Variants in GPC5 observed in about 807,000 individuals in gnomAD.
The protein encoded by GPC5 is glypican 5.
In GPC5, 47 loss-of-function variants were observed where a neutral mutation model predicts 53.9. The observed-to-expected ratio is 0.87, with a 90% CI of 0.69 to 1.11. The LOEUF (loss-of-function observed/expected upper bound fraction) is 1.11, where lower values mean the gene tolerates loss of function less well. Among genes scored for constraint, GPC5 ranks in the 50% most tolerant of loss-of-function variants. GPC5 has a pLI of 0.00. For synonymous variants in GPC5, 286 were observed against 263.3 expected (o/e 1.09, Z -0.84); for missense variants, 748 against 713.1 (o/e 1.05, Z -0.56).
chr13:92,163,187 C>T (rs1259915545), intron 7 of GPC5, among the ~76,000 whole-genome samples: 1 of 152,042 alleles, frequency 6.6e-6, no homozygotes, highest in Admixed American at 6.6e-5. Context: ...TGGGGCTGGG[C>T]ATGGTGATTC....
chr13:92,492,349 T>TG (rs1452414724), intron 7 of GPC5, among the ~76,000 whole-genome samples: 1 of 150,240 alleles, frequency 6.7e-6, no homozygotes, highest in Non-Finnish European at 1.5e-5. Flanking sequence ...TGTTGTGGGG[T>TG]GGGAGAGGGG....
chr13:92,423,747 G>A (rs942649767), intron 7 of GPC5, among the ~76,000 whole-genome samples: 1 of 152,126 alleles, frequency 6.6e-6, no homozygotes, highest in Non-Finnish European at 1.5e-5. Context: ...AGCCTAAGGA[G>A]CATCATTAGT....
At chr13:92,129,187 G>T (rs1189814955) in intron 6 of GPC5, among the ~76,000 whole-genome samples, 1 of 152,156 alleles carries the variant, frequency 6.6e-6, no homozygotes, top group East Asian at 1.9e-4. Flanking sequence ...TTAAATCTGA[G>T]ACTAATTTTG....
chr13:92,397,063 G>C (rs1291637203), intron 7 of GPC5, among the ~76,000 whole-genome samples: 1 of 152,206 alleles, frequency 6.6e-6, no homozygotes, highest in Non-Finnish European at 1.5e-5. Context: ...TGTACCTGGA[G>C]ATAAAACCAT....
At chr13:92,485,540 C>A (rs1879520582) in intron 7 of GPC5, among the ~76,000 whole-genome samples, 1 of 152,170 alleles carries the variant, frequency 6.6e-6, no homozygotes, top group African/African-American at 2.4e-5. Flanking sequence ...CAATCACAGT[C>A]CATATGGCAA....
At chr13:92,350,896 A>G (rs2139267060) in intron 7 of GPC5, among the ~76,000 whole-genome samples, 1 of 152,264 alleles carries the variant, frequency 6.6e-6, no homozygotes, top group East Asian at 1.9e-4. Context: ...AAAAATATAG[A>G]TATCAAATTT....
intron 6 of GPC5, among the ~76,000 whole-genome samples, chr13:91,909,159 G>C (rs1300824867): frequency 2.0e-5 from 3 of 152,174 alleles, no homozygotes; most frequent in Non-Finnish European, 4.4e-5. Context: ...CGCCCTGGCT[G>C]GCAAAACCCA....
intron 1 of GPC5, among the ~76,000 whole-genome samples, chr13:91,442,492 A>G (rs932617962): frequency 2.0e-5 from 3 of 152,204 alleles, no homozygotes; most frequent in African/African-American, 7.2e-5. Context: ...ACAGATCTCT[A>G]GAACTTTATT....
chr13:91,422,255 A>C (rs1878690526), intron 1 of GPC5, among the ~76,000 whole-genome samples: 1 of 152,248 alleles, frequency 6.6e-6, no homozygotes, highest in African/African-American at 2.4e-5. Context: ...TGTAAAAAGC[A>C]AACTCAGTAT....
intron 5 of GPC5, among the ~76,000 whole-genome samples, chr13:91,770,465 C>G (rs1182092346): frequency 1.3e-5 from 2 of 152,010 alleles, no homozygotes; most frequent in Non-Finnish European, 2.9e-5. Context: ...GGTGACCAGC[C>G]CCCATCCAAG....
In GPC5 at chr13:92,068,437, G is replaced by A. The variant is rs182665793; in HGVS notation, c.1402-76393G>A. On this transcript the variant is annotated intron_variant, in intron 6 of 7. Transcript: ENST00000377067. ...TAATATTTTAGTTTAGATTTTCTAC[G>A]TATGCAATAATGTCATTAGCAAATA... is the stretch of plus-strand genomic sequence containing the variant. Among the ~76,000 whole-genome samples the A allele has an allele frequency of 4.1e-4, 62 of 151,576 alleles. 1 individual carries two copies. Among genetic ancestry groups the A allele is most frequent in the African/African-American group, 1.2e-3 (51 of 41,492 alleles).
chr13:92,703,395 TA>T (rs1887827908), intron 7 of GPC5, among the ~76,000 whole-genome samples: 1 of 151,550 alleles, frequency 6.6e-6, no homozygotes, highest in Admixed American at 6.6e-5. Flanking sequence ...AATAATTATA[TA>T]AGTACTTTAT....
At chr13:91,459,394 T>TGAC (rs1881783570) in intron 2 of GPC5, among the ~76,000 whole-genome samples, 1 of 152,086 alleles carries the variant, frequency 6.6e-6, no homozygotes, top group African/African-American at 2.4e-5. Context: ...GACTTGGGTG[T>TGAC]TTGCAGTGGA....
intron 3 of GPC5, among the ~76,000 whole-genome samples, chr13:91,700,291 T>A (rs1254983101): frequency 1.3e-5 from 2 of 152,232 alleles, no homozygotes; most frequent in Non-Finnish European, 2.9e-5. Context: ...TTGAATACTT[T>A]CTGTGTAAAC....
rs114572186 is a variant in GPC5, at chr13:92,488,515, C to T, written c.1561+343526C>T. ...GCCATACGTGCTGATACATCAGCTG[C>T]TTAACTGCTGGCATTTTTAATCTAT... On this transcript the variant is annotated intron_variant, in intron 7 of 7. Transcript: ENST00000377067. 4.0e-3 allele frequency among the ~76,000 whole-genome samples: 607 copies of T among 152,278 alleles called. 5 individuals carry two copies. The highest frequency in any genetic ancestry group is 0.014 in the African/African-American group (574 of 41,554).
chr13:92,146,756 C>A (rs930896630), intron 7 of GPC5, among the ~76,000 whole-genome samples: 1 of 152,066 alleles, frequency 6.6e-6, no homozygotes, highest in Non-Finnish European at 1.5e-5. Flanking sequence ...TGAGAAAATA[C>A]AATGTTTGGT....
At chr13:92,632,830 TG>T (rs1352465985) in intron 7 of GPC5, among the ~76,000 whole-genome samples, 1 of 152,078 alleles carries the variant, frequency 6.6e-6, no homozygotes, top group African/African-American at 2.4e-5. Context: ...AGTCACATTT[TG>T]CATGGATGGC....
intron 7 of GPC5, among the ~76,000 whole-genome samples, chr13:92,381,962 G>GTATCTATCTATC (rs58251052): frequency 1.9e-4 from 24 of 126,298 alleles, no homozygotes; most frequent in African/African-American, 5.3e-4. Context: ...ATGTATGTAT[G>GTATCTATCTATC]TATCTATCTA....
chr13:92,051,959 C>T (rs1057126525), intron 6 of GPC5, among the ~76,000 whole-genome samples: 2 of 152,134 alleles, frequency 1.3e-5, no homozygotes, highest in African/African-American at 4.8e-5. Flanking sequence ...TAGTTCCAAA[C>T]CTAGTGAGAG....
Sources: gnomAD v4.1 joint callset for allele counts (sites outside exome capture counted in the v4.1 genomes callset) on GRCh38, gnomAD v4.1.1 for gene constraint, MANE v1.5 for transcripts, NCBI Gene and HGNC (gene_info 2026-07-23, HGNC 2026-07-21) for gene names.